Variants in EYS observed in about 807,000 individuals in gnomAD.
EYS encodes protein eyes shut homolog.
In EYS, 250 loss-of-function variants were observed where a neutral mutation model predicts 282.1. The ratio of observed to expected loss-of-function variants is 0.89; its 90% CI spans 0.80 to 0.98. The LOEUF is 0.98. Among genes scored for constraint, EYS ranks in the 50% least tolerant of loss-of-function variants. EYS has a pLI of 0.00. For missense variants in EYS, 4,016 were observed against 3,709.0 expected (o/e 1.08, Z -2.15); for synonymous variants, 1,355 against 1,282.9 (o/e 1.06, Z -1.20).
chr6:64,287,208 A>G (rs949042071), intron 30 of EYS, among the ~76,000 whole-genome samples: 1 of 152,138 alleles, frequency 6.6e-6, no homozygotes, highest in Non-Finnish European at 1.5e-5. Flanking sequence ...CTACTCTCCA[A>G]TAACAGCCAA....
At position 64,755,114 on chromosome 6, in the gene EYS, T is replaced by C. The variant is rs539936785; in HGVS notation, c.3443+58264A>G. On this transcript the variant is annotated intron_variant, in intron 22 of 42. Coordinates refer to ENST00000503581, the MANE Select transcript of EYS (RefSeq NM_001142800.2). ...AAAGTTTCAGGATAAAAAATCAACA[T>C]ACAAAAGTCAGTAGCATTTCTATAC... is the stretch of plus-strand genomic sequence containing the variant. Among the ~76,000 whole-genome samples the C allele has an allele frequency of 5.5e-4, 84 of 152,222 alleles. 1 individual carries two copies. Among genetic ancestry groups the C allele is most frequent in the South Asian group, 6.2e-4 (3 of 4,830 alleles).
intron 31 of EYS, among the ~76,000 whole-genome samples, chr6:64,215,100 A>T (rs1765890865): frequency 1.3e-5 from 2 of 152,008 alleles, no homozygotes; most frequent in African/African-American, 4.8e-5. Flanking sequence ...TAAAATTGAG[A>T]TCAAAATTTG....
chr6:64,294,733 G>A (rs1302094498), intron 30 of EYS, among the ~76,000 whole-genome samples: 2 of 152,104 alleles, frequency 1.3e-5, no homozygotes, highest in Non-Finnish European at 2.9e-5. Context: ...TGATGGCTTA[G>A]TATGATACAA....
intron 12 of EYS, among the ~76,000 whole-genome samples, chr6:65,274,249 A>C (rs1183792488): frequency 1.3e-5 from 2 of 152,346 alleles, no homozygotes; most frequent in South Asian, 4.1e-4. Context: ...TATAGTATTT[A>C]TAAAAAGATT....
intron 5 of EYS, among the ~76,000 whole-genome samples, chr6:65,464,383 G>A (rs576746386): frequency 2.0e-5 from 3 of 152,202 alleles, no homozygotes; most frequent in Non-Finnish European, 2.9e-5. Context: ...ACACTGTCTG[G>A]CTTAAAGAAT....
intron 22 of EYS, among the ~76,000 whole-genome samples, chr6:64,633,396 T>C (rs1767861787): frequency 6.6e-6 from 1 of 152,144 alleles, no homozygotes; most frequent in African/African-American, 2.4e-5. Context: ...ATTGACAGTA[T>C]TTAAACTTCA....
chr6:65,617,703 T>A (rs1202426456), intron 2 of EYS, among the ~76,000 whole-genome samples: 1 of 54,420 alleles, frequency 1.8e-5, no homozygotes, highest in African/African-American at 7.0e-5. Flanking sequence ...CCCTCCCCCC[T>A]CCCCCCACCC....
chr6:64,645,886 C>T (rs1390904323), intron 22 of EYS, among the ~76,000 whole-genome samples: 1 of 152,064 alleles, frequency 6.6e-6, no homozygotes, highest in Non-Finnish European at 1.5e-5. Flanking sequence ...AATCTGTCTC[C>T]ATTTGCTTAA....
chr6:64,965,675 T>A (rs1770071245), intron 14 of EYS, among the ~76,000 whole-genome samples: 1 of 152,176 alleles, frequency 6.6e-6, no homozygotes, highest in Non-Finnish European at 1.5e-5. Flanking sequence ...ATAGAGGTTA[T>A]CAGATTTATT....
chr6:64,391,864 C>T (rs1270399329), intron 28 of EYS, among the ~76,000 whole-genome samples: 1 of 152,156 alleles, frequency 6.6e-6, no homozygotes, highest in Non-Finnish European at 1.5e-5. Context: ...CTTCAGTGTG[C>T]TGTATTCAGA....
At chr6:65,125,190 T>C (rs1018140260) in intron 12 of EYS, among the ~76,000 whole-genome samples, 3 of 152,228 alleles carry the variant, frequency 2.0e-5, no homozygotes, top group African/African-American at 7.2e-5. Flanking sequence ...ACACTGTTGT[T>C]GGCTTAATTC....
At chr6:64,395,854 T>TCCAACAATCAATG (rs1317222848) in intron 28 of EYS, among the ~76,000 whole-genome samples, 9 of 151,736 alleles carry the variant, frequency 5.9e-5, no homozygotes, top group African/African-American at 2.2e-4. Flanking sequence ...CTACATAGCA[T>TCCAACAATCAATG]CCAACAATCA....
chr6:65,443,730 GTGCATATACA>G (rs1562187298), intron 5 of EYS, among the ~76,000 whole-genome samples: 2 of 68,166 alleles, frequency 2.9e-5, no homozygotes, highest in African/African-American at 9.0e-5. Flanking sequence ...ATACACATAC[GTGCATATACA>G]CATATATACA....
intron 12 of EYS, among the ~76,000 whole-genome samples, chr6:65,157,228 G>A (rs139887009): frequency 3.3e-5 from 5 of 150,920 alleles, no homozygotes; most frequent in East Asian, 3.9e-4. Context: ...CTGTGATTAC[G>A]TAATCTACAC....
chr6:64,823,576 T>C (rs968079106), intron 19 of EYS, among the ~76,000 whole-genome samples: 1 of 151,972 alleles, frequency 6.6e-6, no homozygotes, highest in East Asian at 1.9e-4. Flanking sequence ...CTAGCAAGCA[T>C]CTACTAATAA....
chr6:65,182,462 T>C (rs1765413559), intron 12 of EYS, among the ~76,000 whole-genome samples: 1 of 151,614 alleles, frequency 6.6e-6, no homozygotes, highest in Non-Finnish European at 1.5e-5. Context: ...TTTTACATCA[T>C]AATAATGCAA....
chr6:64,105,362 A>G lies in EYS; in HGVS notation c.6425-23360T>C, dbSNP rs905106833. Among the ~76,000 whole-genome samples the G allele has an allele frequency of 2.0e-5, 3 of 152,054 alleles. No individual in the cohort carries two copies. In the East Asian group the frequency reaches 5.8e-4, roughly 29 times the overall value. ...AATTCAAGAGAAAAGTAGTTTGCAT[A>G]TACTTCCTGTCCCTACACATGTACA... On this transcript the variant is annotated intron_variant, in intron 31 of 42. Coordinates refer to ENST00000503581, the MANE Select transcript of EYS (RefSeq NM_001142800.2).
chr6:64,703,425 A>ATC (rs1562144141), intron 22 of EYS, among the ~76,000 whole-genome samples: 1 of 20,736 alleles, frequency 4.8e-5, no homozygotes, highest in Non-Finnish European at 1.3e-4. Flanking sequence ...ATATATATAT[A>ATC]TATATTTTTT....
At chr6:65,335,234 C>T (rs894844674) in intron 10 of EYS, 88 bp from the exon 11 acceptor site, 2 of 890,426 alleles carry the variant, frequency 2.2e-6, no homozygotes, top group Non-Finnish European at 3.7e-6. Flanking sequence ...ATGATAGATG[C>T]CTCTCTGTCT....
Sources: gnomAD v4.1 joint callset for allele counts (sites outside exome capture counted in the v4.1 genomes callset) on GRCh38, gnomAD v4.1.1 for gene constraint, MANE v1.5 for transcripts, NCBI Gene and HGNC (gene_info 2026-07-23, HGNC 2026-07-21) for gene names.